Variants in WDR44 observed in about 807,000 individuals in gnomAD.
The protein encoded by WDR44 is WD repeat-containing protein 44.
In WDR44, 9 loss-of-function variants were observed where a neutral mutation model predicts 65.7. The observed-to-expected ratio is 0.14, with a 90% CI of 0.08 to 0.24. The LOEUF (loss-of-function observed/expected upper bound fraction) is 0.24, where lower values mean the gene tolerates loss of function less well. Among genes scored for constraint, WDR44 ranks in the 10% least tolerant of loss-of-function variants. The pLI is 1.00. For missense variants in WDR44, 425 were observed against 670.9 expected (o/e 0.63, Z 4.05); for synonymous variants, 220 against 235.2 (o/e 0.94, Z 0.59).
At position 118,378,400 on chromosome X, in the gene WDR44, T is replaced by G; in HGVS notation, c.78-19T>G. On this transcript the variant is annotated intron_variant, in intron 1 of 19. Coordinates refer to ENST00000254029, the MANE Select transcript of WDR44 (RefSeq NM_019045.5). Reference sequence around the variant, plus strand: ...TCATCTCCTCTATTCAACACCTCCTTACTTTTATTTCTGAACAGGTCTCCA... The same window carrying G: ...TCATCTCCTCTATTCAACACCTCCTGACTTTTATTTCTGAACAGGTCTCCA... 1 of 1,202,903 alleles carries G rather than the reference T, an allele frequency of 8.3e-7. No homozygotes were observed. Among genetic ancestry groups the G allele is most frequent in the Non-Finnish European group, 1.1e-6 (1 of 888,784 alleles).
chrX:118,444,240 T>G, intron 18 of WDR44, 120 bp from the exon 19 acceptor site: 1 of 868,879 alleles, frequency 1.2e-6, no homozygotes. Flanking sequence ...TTTTTGGGTT[T>G]TAAATCACTC....
At chrX:118,434,479 C>A (rs1190748329) in intron 13 of WDR44, among the ~76,000 whole-genome samples, 1 of 111,553 alleles carries the variant, frequency 9.0e-6, no homozygotes, top group African/African-American at 3.3e-5. Flanking sequence ...TTTTATATGA[C>A]TTTTATTTTT....
At chrX:118,390,991 A>T (rs989007815) in intron 3 of WDR44, among the ~76,000 whole-genome samples, 1 of 111,618 alleles carries the variant, frequency 9.0e-6, no homozygotes, top group East Asian at 2.8e-4. Flanking sequence ...TCTAGGAGGG[A>T]GGTAATCCAG....
chrX:118,412,833 A>C lies in WDR44; in HGVS notation c.1737+1874A>C, dbSNP rs747845293. Among the ~76,000 whole-genome samples, 5 of 111,610 alleles carry C rather than the reference A, an allele frequency of 4.5e-5. 1 individual carries two copies. The highest frequency in any genetic ancestry group is 2.9e-4 in the Admixed American group (3 of 10,504). ...ACACTGCACCTATTTGTAGTCTTTT[A>C]TTCCTCACCCTCCTCCCACTCTTCC... On this transcript the variant is annotated intron_variant, in intron 12 of 19. Coordinates refer to ENST00000254029, the MANE Select transcript of WDR44 (RefSeq NM_019045.5).
In WDR44 at chrX:118,449,844, T is replaced by C. The variant is rs1341260336; in HGVS notation, c.*857T>C. 1 of 112,347 alleles carries C rather than the reference T, an allele frequency of 8.9e-6. No individual in the cohort carries two copies. Among genetic ancestry groups the C allele is most frequent in the Non-Finnish European group, 1.9e-5 (1 of 53,232 alleles). The allele number at this position is 112,347 out of a possible 1,213,427, so 9.3% of individuals were successfully genotyped here. A position where few individuals can be genotyped will look rare whatever the true frequency, so the allele number is the denominator to read the frequency against. On this transcript the variant is annotated 3_prime_UTR_variant, in exon 20 of 20. Transcript: ENST00000254029. ...AAAGCCTTTGTAAATATCAATATAA[T>C]GTACCAATGAAATAACATCTGGGGC...
At chrX:118,394,575 T>TA (rs887584948) in intron 5 of WDR44, among the ~76,000 whole-genome samples, 2 of 111,394 alleles carry the variant, frequency 1.8e-5, no homozygotes, top group Admixed American at 1.9e-4. Context: ...CTTTTTTTTT[T>TA]TATAATTTCC....
At chrX:118,432,629 A>G (rs2057221907) in intron 12 of WDR44, 152 bp from the exon 13 acceptor site, 1 of 498,133 alleles carries the variant, frequency 2.0e-6, no homozygotes, top group East Asian at 3.4e-5. Context: ...AAGAGGTGCT[A>G]AGTAGTAAAT....
At chrX:118,443,457 G>A in intron 17 of WDR44, 103 bp from the exon 18 acceptor site, 1 of 978,768 alleles carries the variant, frequency 1.0e-6, no homozygotes, top group Non-Finnish European at 1.4e-6. Context: ...GACCCTTCAA[G>A]TGTTATTTTA....
chrX:118,442,229 A>G lies in WDR44; in HGVS notation c.2167-15A>G, dbSNP rs1408005654. On this transcript the variant is annotated splice_polypyrimidine_tract_variant and intron_variant, in intron 15 of 19. Coordinates refer to ENST00000254029, the MANE Select transcript of WDR44 (RefSeq NM_019045.5). ...CTCCTAATTCTAATATGTTAAATGT[A>G]TGGTTTATTTTTAGCATTTGAAATA... is the stretch of plus-strand genomic sequence containing the variant. 1.7e-6 allele frequency: 2 copies of G among 1,169,530 alleles called. No individual in the cohort carries two copies. Among genetic ancestry groups the G allele is most frequent in the East Asian group, 6.0e-5 (2 of 33,593 alleles).
chrX:118,346,439 A>G lies in WDR44; in HGVS notation c.-65A>G, dbSNP rs2056350029. 2 of 1,011,726 alleles carry G rather than the reference A, an allele frequency of 2.0e-6. No individual in the cohort carries two copies. The highest frequency in any genetic ancestry group is 2.8e-6 in the Non-Finnish European group (2 of 718,481). 83.4% of individuals were successfully genotyped at this position (1,011,726 alleles called of 1,213,427 possible). On this transcript the variant is annotated 5_prime_UTR_variant, in exon 1 of 20. Transcript: ENST00000254029. ...CTCGCCCGGGTGGAGGTCGACGAGG[A>G]GGAGACAAGAGTCACCCTTCCTCCA... is the stretch of plus-strand genomic sequence containing the variant.
chrX:118,404,498 A>G, intron 9 of WDR44, 54 bp downstream of exon 9: 2 of 937,608 alleles, frequency 2.1e-6, no homozygotes, highest in Non-Finnish European at 3.0e-6. Context: ...GTAATCGTCT[A>G]AATTTAGCCT....
At chrX:118,365,711 T>C (rs2056547470) in intron 1 of WDR44, among the ~76,000 whole-genome samples, 2 of 111,652 alleles carry the variant, frequency 1.8e-5, no homozygotes, top group Non-Finnish European at 3.8e-5. Flanking sequence ...AATATTCTCT[T>C]TTATTCTAGG....
At chrX:118,379,691 C>T (rs1182496479) in intron 2 of WDR44, among the ~76,000 whole-genome samples, 1 of 111,521 alleles carries the variant, frequency 9.0e-6, no homozygotes, top group Non-Finnish European at 1.9e-5. Context: ...GAGAAGGATA[C>T]ACAAGAGACT....
chrX:118,368,494 C>A (rs1220763251), intron 1 of WDR44, among the ~76,000 whole-genome samples: 5 of 59,521 alleles, frequency 8.4e-5, no homozygotes, highest in African/African-American at 8.0e-4. Flanking sequence ...TCTTGAGGAC[C>A]TTTCCGCATT....
In WDR44 at chrX:118,397,015, G is replaced by A; in HGVS notation, c.1099G>A (p.Glu367Lys). The A allele has an allele frequency of 8.4e-7, 1 of 1,196,909 alleles. No homozygotes were observed. Among genetic ancestry groups the A allele is most frequent in the Non-Finnish European group, 1.1e-6 (1 of 889,639 alleles). Residue 367 changes from glutamate (E) to lysine (K), a missense_variant, in exon 7 of 20, where the codon GAA (glutamate) becomes AAA (lysine). Around this residue, in one of 5 missense-constraint regions of WDR44, gnomAD observed 77 missense variants for 183.5 expected, o/e 0.42. Transcript: ENST00000254029. ...GATTAAGAACCTGGATACTGGAGAAGAAATACCTTTGAGTCTTGCAGAAGA... is the reference window on the plus strand; with the variant it reads ...GATTAAGAACCTGGATACTGGAGAAAAAATACCTTTGAGTCTTGCAGAAGA... The part of the protein sequence containing the change: ...VMIKNLDTGE[E>K]IPLSLAEEKL...
chrX:118,402,483 C>T (rs1426534969), intron 8 of WDR44, among the ~76,000 whole-genome samples: 1 of 100,190 alleles, frequency 1.0e-5, no homozygotes, highest in Non-Finnish European at 2.0e-5. Flanking sequence ...TGCAATGGCT[C>T]ATGCTTGTAA....
At chrX:118,411,453 A>G (rs1161993677) in intron 12 of WDR44, among the ~76,000 whole-genome samples, 1 of 112,150 alleles carries the variant, frequency 8.9e-6, no homozygotes, top group African/African-American at 3.2e-5. Context: ...ACAATATTGT[A>G]CTAAGTTGTC....
chrX:118,388,097 G>C (rs1398053710), intron 3 of WDR44, among the ~76,000 whole-genome samples: 1 of 111,268 alleles, frequency 9.0e-6, no homozygotes, highest in South Asian at 3.8e-4. Context: ...AAGGCCTGTT[G>C]TGTGCATTGT....
intron 3 of WDR44, among the ~76,000 whole-genome samples, chrX:118,391,736 C>T (rs184398864): frequency 4.2e-3 from 472 of 112,332 alleles, no homozygotes; most frequent in Non-Finnish European, 6.5e-3. Context: ...GTAATCCCAG[C>T]ACTTTGGGAG....
Sources: gnomAD v4.1 joint callset for allele counts (sites outside exome capture counted in the v4.1 genomes callset) on GRCh38, gnomAD v4.1.1 for gene constraint, gnomAD v4.1.1 regional missense constraint, MANE v1.5 for transcripts, NCBI Gene and HGNC (gene_info 2026-07-23, HGNC 2026-07-21) for gene names.